Variants in NACC1 observed in about 807,000 individuals in gnomAD.
NACC1 encodes nucleus accumbens associated 1, also known as nucleus accumbens-associated protein 1.
A neutral mutation model predicts 41.7 loss-of-function variants in NACC1; 6 were observed. The observed-to-expected ratio is 0.14, with a 90% CI of 0.08 to 0.28. The LOEUF is 0.28. Among genes scored for constraint, NACC1 ranks in the 10% least tolerant of loss-of-function variants. The pLI is 1.00. For synonymous variants in NACC1, 338 were observed against 330.6 expected (o/e 1.02, Z -0.24); for missense variants, 434 against 763.7 (o/e 0.57, Z 5.09).
In NACC1 at chr19:13,135,374, G is replaced by A. The variant is rs761797921; in HGVS notation, c.167G>A (p.Arg56Gln). The A allele has an allele frequency of 1.9e-6, 3 of 1,613,618 alleles. No individual in the cohort carries two copies. Among genetic ancestry groups the A allele is most frequent in the Non-Finnish European group, 2.5e-6 (3 of 1,180,032 alleles). ...CTTGCTGCCAGCAGCTCCTACTTCC[G>A]GGACCTGTTCAACAACAGCCGCAGC... is the stretch of plus-strand genomic sequence containing the variant. The part of the protein sequence containing the change: ...AVLAASSSYF[R>Q]DLFNNSRSAV... Residue 56 changes from arginine (R) to glutamine (Q), a missense_variant, in exon 2 of 6, where the codon CGG (arginine) becomes CAG (glutamine). By Grantham distance (43) the Arg-to-Gln change is conservative (BLOSUM62 1). Around this residue, in one of 4 missense-constraint regions of NACC1, gnomAD observed 67 missense variants for 180.1 expected, o/e 0.37. Transcript: ENST00000292431.
chr19:13,131,101 C>T lies in NACC1; in HGVS notation c.-8-4099C>T, dbSNP rs999087160. 3.1e-4 allele frequency among the ~76,000 whole-genome samples: 47 copies of T among 152,148 alleles called. 1 individual carries two copies. Among genetic ancestry groups the T allele is most frequent in the Admixed American group, 2.9e-3 (44 of 15,268 alleles). On this transcript the variant is annotated intron_variant, in intron 1 of 5. Transcript: ENST00000292431. Reference sequence around the variant, plus strand: ...GCCATCTGCTTGGTTGACATACCCACCCCAACTGTAATTAAATCATCCCCG... The same window carrying T: ...GCCATCTGCTTGGTTGACATACCCATCCCAACTGTAATTAAATCATCCCCG...
rs1360092645 is a variant in NACC1, at chr19:13,140,608, T to G, written c.*2202T>G. The G allele has an allele frequency of 8.5e-6, 1 of 116,994 alleles. No homozygotes were observed. Among genetic ancestry groups the G allele is most frequent in the Non-Finnish European group, 1.8e-5 (1 of 56,368 alleles). The allele number at this position is 116,994 out of a possible 1,614,324, so 7.2% of individuals were successfully genotyped here. ...GGAGGTGCCCCCTGGCTCCCAGGACTGTGTGTGGGTCCGGGGGGTGGGGGG... is the reference window on the plus strand; with the variant it reads ...GGAGGTGCCCCCTGGCTCCCAGGACGGTGTGTGGGTCCGGGGGGTGGGGGG... On this transcript the variant is annotated 3_prime_UTR_variant, in exon 6 of 6. Transcript: ENST00000292431. This position sits in a 1 kb window ranked among gnomAD's most constrained non-coding sequence, Gnocchi z 4.0.
chr19:13,125,412 CTTT>C (rs760978944), intron 1 of NACC1, among the ~76,000 whole-genome samples: 59 of 100,300 alleles, frequency 5.9e-4, no homozygotes, highest in African/African-American at 7.1e-4. Flanking sequence ...GAAGGCCCCA[CTTT>C]TTTTTTTTTT....
chr19:13,123,237 C>T (rs914559230), intron 1 of NACC1, among the ~76,000 whole-genome samples: 4 of 152,186 alleles, frequency 2.6e-5, no homozygotes, highest in African/African-American at 7.2e-5. Flanking sequence ...GCCGCCACTG[C>T]TGCCCTGTCT....
intron 1 of NACC1, among the ~76,000 whole-genome samples, chr19:13,122,766 C>A (rs1023666259): frequency 2.0e-5 from 3 of 152,076 alleles, no homozygotes; most frequent in African/African-American, 7.2e-5. Flanking sequence ...GCCTGTTAAT[C>A]CCATGAAATG....
rs147514422 is a variant in NACC1, at chr19:13,127,371, C to CTTTTTT, written c.-8-7805_-8-7800dup. Among the ~76,000 whole-genome samples, 47 of 28,518 alleles carry CTTTTTT rather than the reference C, an allele frequency of 1.6e-3. 10 individuals carry two copies. The highest frequency in any genetic ancestry group is 2.8e-3 in the African/African-American group (22 of 7,782). The allele number at this position is 28,518 out of a possible 152,430, so 18.7% of individuals were successfully genotyped here. A position where few individuals can be genotyped will look rare whatever the true frequency, so the allele number is the denominator to read the frequency against. On this transcript the variant is annotated intron_variant, in intron 1 of 5. Transcript: ENST00000292431. Reference sequence around the variant, plus strand: ...AAAAAAAAGCATACATATACATATACTTTTTTTTTTTTTTTTTTTTTTTTT... The same window carrying CTTTTTT: ...AAAAAAAAGCATACATATACATATACTTTTTTTTTTTTTTTTTTTTTTTTTTTTTTT...
intron 1 of NACC1, among the ~76,000 whole-genome samples, chr19:13,126,832 G>A (rs965416714): frequency 6.6e-6 from 1 of 152,082 alleles, no homozygotes; most frequent in Admixed American, 6.6e-5. Flanking sequence ...TTCCACGAAG[G>A]ACTGTGAGCA....
chr19:13,117,679 G>T (rs1016679364), upstream of NACC1: 1 of 150,780 alleles, frequency 6.6e-6, no homozygotes, highest in Non-Finnish European at 1.5e-5. Context: ...TCAGTCTCCC[G>T]AGTAGCTGGG....
Position 13,138,230 on chromosome 19 carries a change from G to A in NACC1, c.1408G>A (p.Val470Ile), listed in dbSNP as rs1378858375. Residue 470 changes from valine to isoleucine, a missense_variant, in exon 6 of 6, where the codon GTC becomes ATC. Physicochemically the swap from Val to Ile is conservative, Grantham distance 29. Around this residue, in one of 4 missense-constraint regions of NACC1, gnomAD observed 70 missense variants for 206.9 expected, o/e 0.34. Transcript: ENST00000292431. The surrounding 1 kb of genome is among the most constrained non-coding windows in gnomAD (Gnocchi z 5.7). Reference sequence around the variant, plus strand: ...CGACATGTGCACCAACGCCCGCCGCGTCGTGCGCAAGAGCTGGATGCCCAA... The same window carrying A: ...CGACATGTGCACCAACGCCCGCCGCATCGTGCGCAAGAGCTGGATGCCCAA... Reference protein sequence around the residue: ...AADMCTNARRVVRKSWMPKVK... With the variant: ...AADMCTNARRIVRKSWMPKVK... 4 of 1,614,120 alleles carry A rather than the reference G, an allele frequency of 2.5e-6. No homozygotes were observed. The highest frequency in any genetic ancestry group is 2.2e-5 in the East Asian group (1 of 44,900).
At chr19:13,126,042 G>T (rs1445529773) in intron 1 of NACC1, among the ~76,000 whole-genome samples, 10 of 149,422 alleles carry the variant, frequency 6.7e-5, no homozygotes, top group Non-Finnish European at 1.0e-4. Context: ...TGGCTGAAAG[G>T]CCTAACTTTT....
At position 13,138,171 on chromosome 19, in the gene NACC1, A is replaced by G. The variant is rs1256566374; in HGVS notation, c.1349A>G (p.Asn450Ser). ...VKYYCQNFAP[N>S]FKESEMNAIA... is the part of the protein sequence containing the mutation. ...GACTACTGCCAGAACTTCGCCCCCA[A>G]CTTCAAGGAGAGCGAGATGAATGCC... The change falls in exon 6 of 6, where the codon AAC becomes AGC. Residue 450 changes from asparagine to serine, a missense_variant. This residue lies in a region of NACC1 where 70 missense variants were observed against 206.9 expected (regional missense o/e 0.34). Coordinates refer to ENST00000292431, the MANE Select transcript of NACC1 (RefSeq NM_052876.4). The surrounding 1 kb of genome is among the most constrained non-coding windows in gnomAD (Gnocchi z 5.7). 1 of 1,613,890 alleles carries G rather than the reference A, an allele frequency of 6.2e-7. No homozygotes were observed. Among genetic ancestry groups the G allele is most frequent in the Non-Finnish European group, 8.5e-7 (1 of 1,179,924 alleles).
rs146973629 is a variant in NACC1 at position 13,130,352 on chromosome 19, A to G, written c.-8-4848A>G. 3.5e-3 allele frequency among the ~76,000 whole-genome samples: 534 copies of G among 152,168 alleles called. 3 individuals carry two copies. The highest frequency in any genetic ancestry group is 0.012 in the African/African-American group (482 of 41,500). Reference sequence around the variant, plus strand: ...TTCTGCCTCTCAGAGTGCTGTGATTACAGGCGTGAGCCACCGTGCCCAGCC... The same window carrying G: ...TTCTGCCTCTCAGAGTGCTGTGATTGCAGGCGTGAGCCACCGTGCCCAGCC... On this transcript the variant is annotated intron_variant, in intron 1 of 5. Coordinates refer to ENST00000292431, the MANE Select transcript of NACC1 (RefSeq NM_052876.4).
chr19:13,137,656 G>C lies in NACC1; in HGVS notation c.1324+81G>C, dbSNP rs909700658. 8.4e-7 allele frequency: 1 copy of C among 1,195,516 alleles called. No homozygotes were observed. The highest frequency in any genetic ancestry group is 1.2e-6 in the Non-Finnish European group (1 of 844,452). The allele number at this position is 1,195,516 out of a possible 1,614,324, so 74.1% of individuals were successfully genotyped here. A position where few individuals can be genotyped will look rare whatever the true frequency, so the allele number is the denominator to read the frequency against. ...TTTTCCCAGCCTTGGCTCTCAGAGA[G>C]GGCTAGAGTTCAGTGTTGAGAAGCA... On this transcript the variant is annotated intron_variant, in intron 5 of 5. Coordinates refer to ENST00000292431, the MANE Select transcript of NACC1 (RefSeq NM_052876.4). The surrounding 1 kb of genome is among the most constrained non-coding windows in gnomAD (Gnocchi z 6.1).
chr19:13,124,168 G>A (rs1446577875), intron 1 of NACC1, among the ~76,000 whole-genome samples: 1 of 152,194 alleles, frequency 6.6e-6, no homozygotes, highest in Non-Finnish European at 1.5e-5. Context: ...GGAGGCTGAG[G>A]TGGGCGGATC....
In NACC1 at chr19:13,136,100, G is replaced by A. The variant is rs766198300; in HGVS notation, c.893G>A (p.Arg298Gln). 1.9e-6 allele frequency: 3 copies of A among 1,613,960 alleles called. No homozygotes were observed. Among genetic ancestry groups the A allele is most frequent in the East Asian group, 2.2e-5 (1 of 44,868 alleles). Residue 298 changes from arginine to glutamine, a missense_variant, in exon 2 of 6, where the codon CGG (arginine) becomes CAG (glutamine). Around this residue, in one of 4 missense-constraint regions of NACC1, gnomAD observed 234 missense variants for 308.3 expected, o/e 0.76. Transcript: ENST00000292431. The surrounding 1 kb of genome is among the most constrained non-coding windows in gnomAD (Gnocchi z 5.5). ...GGEEGMDEQY[R>Q]QICNMYTMYS... is the part of the protein sequence containing the mutation. ...GAGGAGGGCATGGATGAGCAGTACC[G>A]GCAGATCTGCAACATGTACACCATG... is the stretch of plus-strand genomic sequence containing the variant.
chr19:13,129,431 T>C (rs575695431), intron 1 of NACC1, among the ~76,000 whole-genome samples: 43 of 151,074 alleles, frequency 2.8e-4, no homozygotes, highest in Admixed American at 6.6e-4. Context: ...CCTGAGTCCA[T>C]TGGGCAGGAT....
chr19:13,137,854 C>T lies in NACC1; in HGVS notation c.1324+279C>T, dbSNP rs1033250942. Among the ~76,000 whole-genome samples the T allele has an allele frequency of 3.3e-5, 5 of 152,184 alleles. No individual in the cohort carries two copies. The highest frequency in any genetic ancestry group is 9.7e-5 in the African/African-American group (4 of 41,440). On this transcript the variant is annotated intron_variant, in intron 5 of 5. Transcript: ENST00000292431. This position sits in a 1 kb window ranked among gnomAD's most constrained non-coding sequence, Gnocchi z 6.1. ...AGGCAGCCAGACAGTGCTAGCCACT[C>T]GTCATGGGGGGCATCTAGATTTTCA...
Position 13,135,984 on chromosome 19 carries a change from G to A in NACC1, c.777G>A (p.Ser259=), listed in dbSNP as rs1020775632. ...GTGTGGTGAGTGGGCCCAGCACGTC[G>A]GAGCGGACCAGCCCAGGCACCTCAA... The part of the protein sequence containing the change: ...AGGVVSGPST[S]ERTSPGTSSA... Residue 259 remains serine (S), a synonymous_variant, in exon 2 of 6, where the codon TCG becomes TCA. Transcript: ENST00000292431. 4 of 1,611,262 alleles carry A rather than the reference G, an allele frequency of 2.5e-6. No individual in the cohort carries two copies. The highest frequency in any genetic ancestry group is 1.7e-4 in the Middle Eastern group (1 of 6,052).
At chr19:13,124,947 C>T (rs990662303) in intron 1 of NACC1, among the ~76,000 whole-genome samples, 3 of 152,010 alleles carry the variant, frequency 2.0e-5, no homozygotes, top group African/African-American at 4.8e-5. Context: ...GTTTTTCACC[C>T]GTGACACAGC....
Sources: allele counts gnomAD v4.1 joint callset (sites outside exome capture counted in the v4.1 genomes callset), GRCh38; gene constraint gnomAD v4.1.1; regional missense constraint gnomAD v4.1.1; non-coding constraint Gnocchi (gnomAD v3.1); transcripts MANE v1.5; gene names NCBI Gene and HGNC (gene_info 2026-07-23, HGNC 2026-07-21).